The following DENND1A variants were observed in gnomAD, a reference collection of about 807,000 sequenced individuals.
DENND1A encodes DENN domain-containing protein 1A.
DENND1A carries 51 observed loss-of-function variants against 113.7 expected under a neutral mutation model. That is an observed-to-expected ratio of 0.45 (90% CI 0.36 to 0.57). The LOEUF (loss-of-function observed/expected upper bound fraction) is 0.57. Ranked by LOEUF, DENND1A falls within the 20% of genes least tolerant of loss-of-function variation. The probability of loss-of-function intolerance (pLI) is 0.00; values close to 1 mark genes in which losing one functional copy is unlikely to be tolerated. For synonymous variants in DENND1A, 565 were observed against 570.8 expected, an observed-to-expected ratio of 0.99 and a Z score of 0.14; for missense variants, 1,258 against 1,395.9, an observed-to-expected ratio of 0.90 and a Z score of 1.57.
At chr9:123,690,052 A>G (rs1233763186) in intron 5 of DENND1A, among the ~76,000 whole-genome samples, 73 of 103,810 alleles carry the variant, frequency 7.0e-4, no homozygotes, top group Non-Finnish European at 4.8e-4. Context: ...GAAGAAGGAA[A>G]GGAGGGAGGG....
At position 123,769,541 on chromosome 9, in the gene DENND1A, T is replaced by G; in HGVS notation, c.155A>C (p.Lys52Thr). ...SDQEVLQTLT[K>T]FCFPFYVDSL... The stretch of plus-strand genomic sequence containing the variant: ...GTCCACATAGAAGGGGAAACAAAAC[T>G]TGGTCAAAGTCTGTAGAACTTCCTG... Residue 52 changes from lysine (K) to threonine (T), a missense_variant, in exon 4 of 24, where the codon AAG (lysine) becomes ACG (threonine). Physicochemically the swap from Lys to Thr is moderately conservative, Grantham distance 78. Coordinates refer to ENST00000394215, the MANE Select transcript of DENND1A (RefSeq NM_001352964.2). 1 of 1,610,038 alleles carries G rather than the reference T, an allele frequency of 6.2e-7. No homozygotes were observed. Among genetic ancestry groups the G allele is most frequent in the Non-Finnish European group, 8.5e-7 (1 of 1,178,758 alleles).
chr9:123,886,874 T>C (rs1464191308), intron 1 of DENND1A, among the ~76,000 whole-genome samples: 3 of 152,204 alleles, frequency 2.0e-5, no homozygotes, highest in Admixed American at 1.3e-4. Context: ...TCATTTCTAA[T>C]AATGTTCTCA....
intron 8 of DENND1A, chr9:123,652,361 A>C (rs1298967248): frequency 2.4e-6 from 1 of 423,354 alleles, no homozygotes; most frequent in Non-Finnish European, 4.3e-6. Context: ...TGGTGATTAC[A>C]ACATGAGGTC....
intron 1 of DENND1A, among the ~76,000 whole-genome samples, chr9:123,893,770 C>T (rs1850284437): frequency 6.6e-6 from 1 of 152,138 alleles, no homozygotes; most frequent in African/African-American, 2.4e-5. Flanking sequence ...TGAACTCAAG[C>T]CCAGGTCTGT....
intron 13 of DENND1A, among the ~76,000 whole-genome samples, chr9:123,516,884 CAAAAAAAAAAAAAAAAAAAAAAAAAAA>C (rs546001517): frequency 1.1e-5 from 1 of 93,418 alleles, no homozygotes. Flanking sequence ...GACTCTGTCT[CAAAAAAAAAAAAAAAAAAAAAAAAAAA>C]AAAAAAAAGA....
chr9:123,782,068 T>TA lies in DENND1A; in HGVS notation c.132+10518dup, dbSNP rs957294654. ...CTGGGTGACTGGGTAAGACTCTGTCTAAAAAAAAATAATAATAAAAATAAA... is the reference window on the plus strand; with the variant it reads ...CTGGGTGACTGGGTAAGACTCTGTCTAAAAAAAAAATAATAATAAAAATAAA... On this transcript the variant is annotated intron_variant, in intron 3 of 23. Coordinates refer to ENST00000394215, the MANE Select transcript of DENND1A (RefSeq NM_001352964.2). 5.3e-5 allele frequency among the ~76,000 whole-genome samples: 8 copies of TA among 151,090 alleles called. No homozygotes were observed. In the South Asian group the frequency reaches 1.0e-3, roughly 20 times the overall value.
intron 13 of DENND1A, among the ~76,000 whole-genome samples, chr9:123,463,259 T>C (rs548248804): frequency 6.6e-6 from 1 of 152,282 alleles, no homozygotes; most frequent in South Asian, 2.1e-4. Context: ...AGAACTTTGT[T>C]ACAAAAAGAC....
At chr9:123,488,099 C>T (rs1466103316) in intron 13 of DENND1A, among the ~76,000 whole-genome samples, 1 of 152,250 alleles carries the variant, frequency 6.6e-6, no homozygotes, top group East Asian at 1.9e-4. Context: ...TCAAGGCAGA[C>T]ACCATTACTC....
chr9:123,475,021 T>C (rs1271526588), intron 13 of DENND1A, among the ~76,000 whole-genome samples: 1 of 148,628 alleles, frequency 6.7e-6, no homozygotes, highest in Non-Finnish European at 1.5e-5. Flanking sequence ...GGTTTTTTAA[T>C]TAATTTATTT....
chr9:123,617,447 T>C (rs1386101394), intron 10 of DENND1A, among the ~76,000 whole-genome samples: 1 of 152,150 alleles, frequency 6.6e-6, no homozygotes, highest in Non-Finnish European at 1.5e-5. Context: ...ACAATGCCCT[T>C]CTGAGTGTGG....
chr9:123,665,452 T>G (rs900342847), intron 8 of DENND1A, among the ~76,000 whole-genome samples: 2 of 152,206 alleles, frequency 1.3e-5, no homozygotes, highest in African/African-American at 4.8e-5. Flanking sequence ...GATGCAACAT[T>G]TTCTACCACA....
At chr9:123,877,334 A>T (rs866595806) in intron 2 of DENND1A, among the ~76,000 whole-genome samples, 1 of 151,944 alleles carries the variant, frequency 6.6e-6, no homozygotes, top group Non-Finnish European at 1.5e-5. Context: ...CTAAAAATAC[A>T]AAAAATTAGC....
At chr9:123,621,630 G>A (rs1403796272) in intron 10 of DENND1A, among the ~76,000 whole-genome samples, 2 of 152,176 alleles carry the variant, frequency 1.3e-5, no homozygotes, top group South Asian at 4.1e-4. Flanking sequence ...ACCTCCACCT[G>A]AAAACATTGG....
At chr9:123,904,136 T>C (rs1007078139) in intron 1 of DENND1A, among the ~76,000 whole-genome samples, 3 of 152,130 alleles carry the variant, frequency 2.0e-5, no homozygotes, top group South Asian at 2.1e-4. Flanking sequence ...CAGCAGGGTA[T>C]TCCAACAGAC....
intron 13 of DENND1A, among the ~76,000 whole-genome samples, chr9:123,552,846 C>A (rs1296992488): frequency 1.3e-5 from 2 of 152,264 alleles, no homozygotes; most frequent in Non-Finnish European, 2.9e-5. Flanking sequence ...CATCCGTTTA[C>A]CCAGTAAATC....
At chr9:123,420,653 T>C (rs2045203223) in intron 19 of DENND1A, among the ~76,000 whole-genome samples, 1 of 152,172 alleles carries the variant, frequency 6.6e-6, no homozygotes, top group Non-Finnish European at 1.5e-5. Context: ...TCTTCCCCGA[T>C]GTTGACAGGA....
chr9:123,448,824 G>A (rs1451625911), intron 18 of DENND1A, among the ~76,000 whole-genome samples: 5 of 152,166 alleles, frequency 3.3e-5, no homozygotes, highest in African/African-American at 4.8e-5. Flanking sequence ...TAAAAGAAAG[G>A]AATCAATTCC....
chr9:123,384,060 G>A (rs1390763266), intron 22 of DENND1A, 147 bp from the exon 23 acceptor site: 3 of 1,096,152 alleles, frequency 2.7e-6, no homozygotes, highest in Non-Finnish European at 2.6e-6. Context: ...CGTGAGGGCA[G>A]GAGTCTGGGA....
intron 13 of DENND1A, among the ~76,000 whole-genome samples, chr9:123,548,852 T>A (rs2056871072): frequency 6.6e-6 from 1 of 152,194 alleles, no homozygotes; most frequent in African/African-American, 2.4e-5. Context: ...ATGAACTATC[T>A]AGAATAGGCA....
Sources: allele counts gnomAD v4.1 joint callset (sites outside exome capture counted in the v4.1 genomes callset), GRCh38; gene constraint gnomAD v4.1.1; transcripts MANE v1.5; gene names NCBI Gene and HGNC (gene_info 2026-07-23, HGNC 2026-07-21).